BCCIP: variants seen among roughly 807,000 people sequenced by gnomAD.
BCCIP encodes BRCA2 and CDKN1A interacting protein.
In BCCIP, 23 loss-of-function variants were observed where a neutral mutation model predicts 32.8. That is an observed-to-expected ratio of 0.70 (90% CI 0.51 to 0.99). The LOEUF is 0.99. BCCIP is among the 50% of genes least tolerant of loss of function. BCCIP has a pLI of 0.00. For missense variants in BCCIP, 378 were observed against 379.8 expected (o/e 1.00, Z 0.04); for synonymous variants, 144 against 137.6 (o/e 1.05, Z -0.33).
In BCCIP at chr10:125,836,212, T is replaced by G. The variant is rs1854679514; in HGVS notation, c.883T>G (p.Leu295Val). 2 of 1,614,104 alleles carry G rather than the reference T, an allele frequency of 1.2e-6. No homozygotes were observed. Among genetic ancestry groups the G allele is most frequent in the African/African-American group, 2.7e-5 (2 of 74,938 alleles). ...AATGACGCCCTTGCGAACTGTGATG[T>G]TAATTCCAGGCGACAAGATGAACGA... ...VPMTPLRTVMLIPGDKMNEIM... is the reference protein window; with the variant it reads ...VPMTPLRTVMVIPGDKMNEIM... The change falls in exon 7 of 7, where the codon TTA becomes GTA. Residue 295 changes from leucine to valine, a missense_variant. Physicochemically the swap from Leu to Val is conservative, Grantham distance 32. Transcript: ENST00000278100.
At chr10:125,825,176 A>G (rs2134004795) in intron 1 of BCCIP, among the ~76,000 whole-genome samples, 1 of 152,354 alleles carries the variant, frequency 6.6e-6, no homozygotes, top group Admixed American at 6.5e-5. Context: ...ATCACCTGGG[A>G]ATGAGGGACA....
downstream of BCCIP, among the ~76,000 whole-genome samples, chr10:125,843,977 T>G (rs566619314): frequency 2.6e-5 from 4 of 152,288 alleles, no homozygotes; most frequent in African/African-American, 9.6e-5. Context: ...CCATCAAGAT[T>G]TAAAACTGAG....
chr10:125,823,821 AGGGTCTGTGAG>A, intron 1 of BCCIP, 99 bp downstream of exon 1: 1 of 1,486,292 alleles, frequency 6.7e-7, no homozygotes, highest in Non-Finnish European at 9.1e-7. Context: ...CCTGACCCTG[AGGGTCTGTGAG>A]GAGAAACTGG....
intron 7 of BCCIP, among the ~76,000 whole-genome samples, chr10:125,848,190 A>G (rs766886322): frequency 2.1e-4 from 32 of 152,192 alleles, no homozygotes; most frequent in Non-Finnish European, 4.1e-4. Context: ...GAGATGGTGT[A>G]GACCCTAAGA....
chr10:125,841,245 A>C, downstream of BCCIP: 2 of 1,612,602 alleles, frequency 1.2e-6, no homozygotes, highest in Non-Finnish European at 1.7e-6. Flanking sequence ...TCCTGCTTCT[A>C]TTCCGGCAGG....
At chr10:125,824,388 T>C (rs1450944397) in intron 1 of BCCIP, among the ~76,000 whole-genome samples, 2 of 152,246 alleles carry the variant, frequency 1.3e-5, no homozygotes, top group Non-Finnish European at 2.9e-5. Flanking sequence ...TCCTTCAGCC[T>C]ACTGAATGTT....
chr10:125,830,266 G>A (rs1854491589), intron 3 of BCCIP, among the ~76,000 whole-genome samples: 1 of 152,192 alleles, frequency 6.6e-6, no homozygotes, highest in Non-Finnish European at 1.5e-5. Flanking sequence ...AAAAGAAAAT[G>A]ACTTAATCTG....
At chr10:125,845,444 A>C (rs1944005787), downstream of BCCIP, among the ~76,000 whole-genome samples, 1 of 152,234 alleles carries the variant, frequency 6.6e-6, no homozygotes, top group South Asian at 2.1e-4. Flanking sequence ...TAAAAGTTTT[A>C]GTCTGCAATT....
chr10:125,836,645 G>T, downstream of BCCIP: 1 of 1,595,776 alleles, frequency 6.3e-7, no homozygotes, highest in Non-Finnish European at 8.6e-7. Context: ...CAGCCATCCA[G>T]CTACCTTTGG....
chr10:125,849,678 CAT>C (rs1477169953), intron 7 of BCCIP, among the ~76,000 whole-genome samples: 2 of 152,186 alleles, frequency 1.3e-5, no homozygotes, highest in Non-Finnish European at 2.9e-5. Context: ...GGGAGGGCCA[CAT>C]GTGAGGGCCG....
In BCCIP at chr10:125,849,529, T is replaced by A. The variant is rs189501687; in HGVS notation, c.851-3596T>A. Among the ~76,000 whole-genome samples, 436 of 152,336 alleles carry A rather than the reference T, an allele frequency of 2.9e-3. 4 individuals carry two copies. The highest frequency in any genetic ancestry group is 9.8e-3 in the African/African-American group (409 of 41,574). On this transcript the variant is annotated intron_variant, in intron 7 of 7. Coordinates refer to the BCCIP transcript ENST00000368759. ...AACTTTTGTGTAGCCTTTAAACAGA[T>A]AATAGTGTAACCTTCATTAACTTAA...
chr10:125,828,177 G>A (rs1345919741), intron 3 of BCCIP, among the ~76,000 whole-genome samples: 9 of 152,132 alleles, frequency 5.9e-5, no homozygotes, highest in Non-Finnish European at 8.8e-5. Context: ...TTTAGTCCCT[G>A]ATTGGGTCTG....
intron 7 of BCCIP, among the ~76,000 whole-genome samples, chr10:125,851,428 C>T (rs1441835684): frequency 6.6e-6 from 1 of 152,142 alleles, no homozygotes; most frequent in African/African-American, 2.4e-5. Context: ...TTTAAAAATC[C>T]TTGACATCAC....
At chr10:125,846,767 G>A (rs764915273), downstream of BCCIP, among the ~76,000 whole-genome samples, 53 of 152,252 alleles carry the variant, frequency 3.5e-4, no homozygotes, top group Middle Eastern at 3.4e-3. Flanking sequence ...CTGGTTCAGG[G>A]TGGGCAGCTT....
downstream of BCCIP, among the ~76,000 whole-genome samples, chr10:125,846,538 T>C (rs1332740743): frequency 1.3e-5 from 2 of 152,196 alleles, no homozygotes; most frequent in Non-Finnish European, 2.9e-5. Context: ...CAGGCACACA[T>C]CTGGGACAGC....
intron 7 of BCCIP, among the ~76,000 whole-genome samples, chr10:125,851,368 T>G (rs965963868): frequency 3.9e-5 from 6 of 152,226 alleles, no homozygotes; most frequent in Non-Finnish European, 7.3e-5. Context: ...CCTCATGGAA[T>G]GAGCAGCACA....
intron 5 of BCCIP, among the ~76,000 whole-genome samples, chr10:125,833,214 A>G (rs1854568697): frequency 6.6e-6 from 1 of 152,198 alleles, no homozygotes; most frequent in Admixed American, 6.5e-5. Context: ...CCAGATGCAC[A>G]AGGCTATGTT....
At position 125,852,614 on chromosome 10, in the gene BCCIP, G is replaced by C. The variant is rs776137704; in HGVS notation, c.851-511G>C. 1 of 1,612,286 alleles carries C rather than the reference G, an allele frequency of 6.2e-7. No individual in the cohort carries two copies. Among genetic ancestry groups the C allele is most frequent in the Non-Finnish European group, 8.5e-7 (1 of 1,179,626 alleles). On this transcript the variant is annotated intron_variant, in intron 7 of 7. Coordinates refer to the BCCIP transcript ENST00000368759. The stretch of plus-strand genomic sequence containing the variant: ...CTGGCTGATGGGCTGCATGACGAGC[G>C]AGTTTGCTCTTATTCTCGGGTTGTA...
chr10:125,830,435 C>A, intron 3 of BCCIP, 127 bp from the exon 4 acceptor site: 1 of 508,558 alleles, frequency 2.0e-6, no homozygotes, highest in Non-Finnish European at 3.4e-6. Flanking sequence ...TCTAAGATGG[C>A]GGTGGTAAAA....
Sources: allele counts gnomAD v4.1 joint callset (sites outside exome capture counted in the v4.1 genomes callset), GRCh38; gene constraint gnomAD v4.1.1; transcripts MANE v1.5; gene names NCBI Gene and HGNC (gene_info 2026-07-23, HGNC 2026-07-21).